The following MORC1 variants were observed in gnomAD, a reference collection of about 807,000 sequenced individuals.
The protein encoded by MORC1 is MORC family CW-type zinc finger 1.
In MORC1, 59 loss-of-function variants were observed where a neutral mutation model predicts 134.9. The observed-to-expected ratio is 0.44, with a 90% CI of 0.35 to 0.54. The LOEUF (loss-of-function observed/expected upper bound fraction) is 0.54. Ranked by LOEUF, MORC1 falls within the 20% of genes least tolerant of loss-of-function variation. The pLI is 0.00. For synonymous variants in MORC1, 395 were observed against 391.7 expected, an observed-to-expected ratio of 1.01 and a Z score of -0.10; for missense variants, 947 against 1,134.5, an observed-to-expected ratio of 0.83 and a Z score of 2.37.
chr3:108,971,381 A>G lies in MORC1; in HGVS notation c.2499T>C (p.Phe833=), dbSNP rs373022384. ...ATTCTGATGGTAGCTGATGCTCAGGAAAAAAATACAGAAGAATCTCCCTAG... is the reference window on the plus strand; with the variant it reads ...ATTCTGATGGTAGCTGATGCTCAGGGAAAAAATACAGAAGAATCTCCCTAG... ...SKLREILLYF[F]PEHQLPSELE... Residue 833 remains phenylalanine (F), a synonymous_variant, in exon 25 of 28, where the codon TTT becomes TTC. Coordinates refer to ENST00000232603, the MANE Select transcript of MORC1 (RefSeq NM_014429.4). 2.2e-5 allele frequency: 36 copies of G among 1,610,944 alleles called. No homozygotes were observed. Among genetic ancestry groups the G allele is most frequent in the Non-Finnish European group, 3.0e-5 (35 of 1,177,612 alleles).
At chr3:109,004,718 A>G in intron 20 of MORC1, 99 bp downstream of exon 20, 1 of 1,178,060 alleles carries the variant, frequency 8.5e-7, no homozygotes, top group East Asian at 2.4e-5. Context: ...TTAGTTAAGC[A>G]TTTTTCCTAT....
chr3:109,025,910 G>A (rs978903454), intron 17 of MORC1, among the ~76,000 whole-genome samples: 2 of 152,116 alleles, frequency 1.3e-5, no homozygotes, highest in African/African-American at 4.8e-5. Context: ...TATATGCCAG[G>A]CACTGTTTTG....
At chr3:109,061,942 G>T (rs374903374) in intron 11 of MORC1, 46 bp downstream of exon 11, 96 of 1,546,402 alleles carry the variant, frequency 6.2e-5, no homozygotes, top group Non-Finnish European at 8.2e-5. Flanking sequence ...AAAAGCAAAT[G>T]ACACAATTTG....
chr3:109,077,649 T>C (rs1235491059), intron 8 of MORC1, among the ~76,000 whole-genome samples: 3 of 151,806 alleles, frequency 2.0e-5, no homozygotes, highest in Non-Finnish European at 4.4e-5. Context: ...ACTCAATTAT[T>C]ATCAAAAAGT....
chr3:108,971,044 A>C (rs1047163546), intron 25 of MORC1, among the ~76,000 whole-genome samples: 1 of 152,150 alleles, frequency 6.6e-6, no homozygotes, highest in African/African-American at 2.4e-5. Flanking sequence ...TATCTAAGGA[A>C]CAGAAACTCT....
intron 24 of MORC1, among the ~76,000 whole-genome samples, chr3:108,977,860 C>T (rs1417849062): frequency 6.6e-6 from 1 of 152,154 alleles, no homozygotes; most frequent in Non-Finnish European, 1.5e-5. Context: ...ATAATACTGA[C>T]ATCTATCTAG....
chr3:109,037,036 G>C (rs1336673682), intron 14 of MORC1, among the ~76,000 whole-genome samples: 1 of 152,166 alleles, frequency 6.6e-6, no homozygotes, highest in East Asian at 1.9e-4. Flanking sequence ...AACAACCCTT[G>C]ACCATAAAAC....
chr3:109,113,605 G>GA (rs1433410843), intron 2 of MORC1, among the ~76,000 whole-genome samples: 2 of 151,206 alleles, frequency 1.3e-5, no homozygotes, highest in Non-Finnish European at 2.9e-5. Flanking sequence ...CAAAAGGTAG[G>GA]AAAAAATCTT....
intron 24 of MORC1, among the ~76,000 whole-genome samples, chr3:108,976,058 T>G (rs1218672913): frequency 6.6e-6 from 1 of 152,206 alleles, no homozygotes; most frequent in Non-Finnish European, 1.5e-5. Context: ...GATGTTACTT[T>G]ATTTGGGAAG....
chr3:108,998,068 T>G (rs1445658921), intron 21 of MORC1, among the ~76,000 whole-genome samples: 1 of 152,170 alleles, frequency 6.6e-6, no homozygotes, highest in African/African-American at 2.4e-5. Flanking sequence ...ATCATCTCTG[T>G]CATGTCTCTT....
At chr3:109,015,276 G>A (rs985203702) in intron 17 of MORC1, among the ~76,000 whole-genome samples, 5 of 152,096 alleles carry the variant, frequency 3.3e-5, no homozygotes, top group African/African-American at 1.2e-4. Context: ...ACTCACAATT[G>A]GAAGAACACA....
At chr3:109,114,363 T>C (rs1464347187) in intron 2 of MORC1, 21 bp downstream of exon 2, 7 of 1,595,596 alleles carry the variant, frequency 4.4e-6, no homozygotes, top group Non-Finnish European at 6.0e-6. Flanking sequence ...TCAGTAACTG[T>C]TGTTTACAGA....
intron 3 of MORC1, among the ~76,000 whole-genome samples, chr3:109,107,819 T>C (rs1951071226): frequency 6.6e-6 from 1 of 152,100 alleles, no homozygotes; most frequent in Non-Finnish European, 1.5e-5. Flanking sequence ...AACAGGTAAA[T>C]CAATAAAAAC....
intron 23 of MORC1, among the ~76,000 whole-genome samples, chr3:108,982,159 T>C (rs1947743751): frequency 6.6e-6 from 1 of 152,166 alleles, no homozygotes; most frequent in South Asian, 2.1e-4. Context: ...AAGACGCTCA[T>C]CATCACTGGT....
chr3:109,059,854 G>C lies in MORC1; in HGVS notation c.983C>G (p.Ala328Gly). 1 of 1,612,360 alleles carries C rather than the reference G, an allele frequency of 6.2e-7. No individual in the cohort carries two copies. The highest frequency in any genetic ancestry group is 8.5e-7 in the Non-Finnish European group (1 of 1,179,156). The change falls in exon 12 of 28, where the codon GCT becomes GGT. Residue 328 changes from alanine (A) to glycine (G), a missense_variant. By Grantham distance (60) the Ala-to-Gly change is moderately conservative. Transcript: ENST00000232603. The part of the protein sequence containing the change: ...LSSAKDVLQR[A>G]LEDVEAKQKN... ...TTGCTTTGCTTCTACATCTTCCAAAGCTCTCTGTAATACATCCTGGAGAAA... is the reference window on the plus strand; with the variant it reads ...TTGCTTTGCTTCTACATCTTCCAAACCTCTCTGTAATACATCCTGGAGAAA...
chr3:109,049,349 T>G (rs1949767486), intron 14 of MORC1, among the ~76,000 whole-genome samples: 1 of 152,204 alleles, frequency 6.6e-6, no homozygotes, highest in African/African-American at 2.4e-5. Context: ...TGACAAGGGT[T>G]AGGTGATAGC....
At chr3:108,959,675 G>A (rs1217781019) in intron 27 of MORC1, among the ~76,000 whole-genome samples, 3 of 152,088 alleles carry the variant, frequency 2.0e-5, no homozygotes, top group East Asian at 3.8e-4. Flanking sequence ...ACAGTTAGAC[G>A]TATGAGTTGG....
intron 12 of MORC1, 23 bp from the exon 13 acceptor site, chr3:109,057,509 T>TA: frequency 1.3e-6 from 2 of 1,550,694 alleles, no homozygotes; most frequent in Non-Finnish European, 1.7e-6. Context: ...TTAAAAAGTT[T>TA]AAAAAGTTGT....
At chr3:109,049,953 GAAGTGTTAGTC>G (rs1353507526) in intron 14 of MORC1, among the ~76,000 whole-genome samples, 1 of 152,126 alleles carries the variant, frequency 6.6e-6, no homozygotes, top group Non-Finnish European at 1.5e-5. Flanking sequence ...CTTGAACTTG[GAAGTGTTAGTC>G]AAGATTAAAC....
Sources: gnomAD v4.1 joint callset for allele counts (sites outside exome capture counted in the v4.1 genomes callset) on GRCh38, gnomAD v4.1.1 for gene constraint, MANE v1.5 for transcripts, NCBI Gene and HGNC (gene_info 2026-07-23, HGNC 2026-07-21) for gene names.